Variants in CTNNA3 observed in about 807,000 individuals in gnomAD.
The protein encoded by CTNNA3 is catenin alpha-3.
A neutral mutation model predicts 95.7 loss-of-function variants in CTNNA3; 76 were observed. The observed-to-expected ratio is 0.79, with a 90% CI of 0.66 to 0.96. The LOEUF (loss-of-function observed/expected upper bound fraction) is 0.96, where lower values mean the gene tolerates loss of function less well. Among genes scored for constraint, CTNNA3 ranks in the 40% least tolerant of loss-of-function variants. The probability of loss-of-function intolerance (pLI) is 0.00; values close to 1 mark genes in which losing one functional copy is unlikely to be tolerated. For synonymous variants in CTNNA3, 431 were observed against 374.4 expected (o/e 1.15, Z -1.74); for missense variants, 1,191 against 1,089.8 (o/e 1.09, Z -1.31).
At chr10:66,824,106 T>C (rs1271825464) in intron 7 of CTNNA3, among the ~76,000 whole-genome samples, 1 of 151,754 alleles carries the variant, frequency 6.6e-6, no homozygotes, top group Non-Finnish European at 1.5e-5. Context: ...AGAAATGTCA[T>C]GTTAAAGAAA....
chr10:67,269,067 G>C (rs1838840918), intron 5 of CTNNA3, among the ~76,000 whole-genome samples: 1 of 152,174 alleles, frequency 6.6e-6, no homozygotes, highest in African/African-American at 2.4e-5. Context: ...TGGCACATGT[G>C]AGTGCAGAAA....
intron 10 of CTNNA3, among the ~76,000 whole-genome samples, chr10:66,566,513 G>A (rs184617630): frequency 3.9e-4 from 60 of 152,244 alleles, no homozygotes; most frequent in East Asian, 1.4e-3. Flanking sequence ...AAAATCAAAC[G>A]CAAAAGCAAT....
chr10:65,924,415 T>C (rs867132021), intron 17 of CTNNA3, among the ~76,000 whole-genome samples: 7 of 152,196 alleles, frequency 4.6e-5, no homozygotes, highest in African/African-American at 1.7e-4. Flanking sequence ...CCTACACTTA[T>C]GTCTTTCTTG....
In CTNNA3 at chr10:67,683,291, C is replaced by T. The variant is rs914881698; in HGVS notation, c.-6+12709G>A. Among the ~76,000 whole-genome samples the T allele has an allele frequency of 3.9e-5, 6 of 152,306 alleles. No individual in the cohort carries two copies. The South Asian group carries it at 1.0e-3, about 26-fold the overall frequency. ...GAAGTTGGTTTATGTATTACTCTGT[C>T]TTCACCCCCATCCACAAAAACACAC... On this transcript the variant is annotated intron_variant, in intron 1 of 17. Transcript: ENST00000433211.
At chr10:66,400,444 G>A (rs772169441) in intron 11 of CTNNA3, among the ~76,000 whole-genome samples, 1 of 151,998 alleles carries the variant, frequency 6.6e-6, no homozygotes, top group African/African-American at 2.4e-5. Context: ...GGGGCCTAAT[G>A]GCAAATGAAA....
intron 7 of CTNNA3, among the ~76,000 whole-genome samples, chr10:67,101,941 G>C (rs1429428068): frequency 2.3e-5 from 3 of 129,096 alleles, no homozygotes; most frequent in African/African-American, 1.0e-4. Flanking sequence ...GATGTTCTGG[G>C]TATGTCAGAG....
chr10:66,313,872 A>G (rs189993337), intron 12 of CTNNA3, among the ~76,000 whole-genome samples: 1 of 152,318 alleles, frequency 6.6e-6, no homozygotes, highest in Admixed American at 6.5e-5. Flanking sequence ...CAAATGGGTC[A>G]GAAAAATAAT....
At chr10:67,190,777 A>G (rs1198314339) in intron 6 of CTNNA3, among the ~76,000 whole-genome samples, 2 of 151,960 alleles carry the variant, frequency 1.3e-5, no homozygotes, top group Non-Finnish European at 2.9e-5. Flanking sequence ...ATGTCTTTTA[A>G]AAAATAAAGA....
At chr10:67,686,433 A>G (rs746650106) in intron 1 of CTNNA3, among the ~76,000 whole-genome samples, 1 of 152,188 alleles carries the variant, frequency 6.6e-6, no homozygotes, top group Non-Finnish European at 1.5e-5. Context: ...GTTGGTAGCC[A>G]TGCTTGACCA....
chr10:66,366,178 G>T (rs887328040), intron 12 of CTNNA3, among the ~76,000 whole-genome samples: 2 of 152,234 alleles, frequency 1.3e-5, no homozygotes, highest in Middle Eastern at 3.4e-3. Flanking sequence ...AATTTGGTGG[G>T]CAGCTCACAC....
intron 15 of CTNNA3, among the ~76,000 whole-genome samples, chr10:66,054,945 T>A (rs1467339557): frequency 6.6e-6 from 1 of 152,190 alleles, no homozygotes; most frequent in Non-Finnish European, 1.5e-5. Flanking sequence ...CAAATGGATA[T>A]CCAGCTTTCC....
At chr10:66,897,341 T>C (rs12260485) in intron 7 of CTNNA3, among the ~76,000 whole-genome samples, 5,803 of 152,120 alleles carry the variant, frequency 0.038, 359 homozygotes, top group African/African-American at 0.13. Flanking sequence ...AGGGACAAAG[T>C]AAAGCAAACA....
At chr10:66,887,899 G>T (rs374777261) in intron 7 of CTNNA3, among the ~76,000 whole-genome samples, 1 of 152,138 alleles carries the variant, frequency 6.6e-6, no homozygotes, top group African/African-American at 2.4e-5. Context: ...TCAAGGTTAC[G>T]TGAGATGTGT....
At chr10:67,725,059 A>T (rs1004236838) in intron 1 of CTNNA3, among the ~76,000 whole-genome samples, 10 of 151,998 alleles carry the variant, frequency 6.6e-5, no homozygotes, top group Non-Finnish European at 1.3e-4. Flanking sequence ...ATAATTTATT[A>T]TCAACTTTTT....
chr10:66,599,614 T>C (rs1843847716), intron 10 of CTNNA3, among the ~76,000 whole-genome samples: 1 of 151,952 alleles, frequency 6.6e-6, no homozygotes, highest in Non-Finnish European at 1.5e-5. Flanking sequence ...ACAGGTGTTT[T>C]TCTTTTCTTC....
intron 4 of CTNNA3, among the ~76,000 whole-genome samples, chr10:67,531,445 G>C (rs947686395): frequency 1.3e-5 from 2 of 152,192 alleles, no homozygotes; most frequent in Non-Finnish European, 2.9e-5. Context: ...TTTAAGATTT[G>C]ACTGCCCTGA....
intron 7 of CTNNA3, among the ~76,000 whole-genome samples, chr10:66,962,680 G>A (rs1020665810): frequency 6.6e-6 from 1 of 151,856 alleles, no homozygotes; most frequent in Non-Finnish European, 1.5e-5. Context: ...CAAAGTGCTG[G>A]GATTACAGGC....
chr10:66,244,858 C>T (rs1450493896), intron 13 of CTNNA3, among the ~76,000 whole-genome samples: 3 of 152,188 alleles, frequency 2.0e-5, no homozygotes, highest in Non-Finnish European at 1.5e-5. Context: ...AGCATTGAGA[C>T]CAGCCAAGAA....
intron 11 of CTNNA3, among the ~76,000 whole-genome samples, chr10:66,469,421 T>A (rs1839046220): frequency 6.6e-6 from 1 of 151,888 alleles, no homozygotes. Flanking sequence ...ATGATTTTTT[T>A]CGCTGTAACC....
Sources: allele counts gnomAD v4.1 joint callset (sites outside exome capture counted in the v4.1 genomes callset), GRCh38; gene constraint gnomAD v4.1.1; transcripts MANE v1.5; gene names NCBI Gene and HGNC (gene_info 2026-07-23, HGNC 2026-07-21).